PTPRD: variants seen among roughly 807,000 people sequenced by gnomAD.
The protein encoded by PTPRD is protein tyrosine phosphatase receptor type D, also known as receptor-type tyrosine-protein phosphatase delta.
A neutral mutation model predicts 214.5 loss-of-function variants in PTPRD; 34 were observed. The ratio of observed to expected loss-of-function variants is 0.16; its 90% CI spans 0.12 to 0.21. PTPRD has a LOEUF of 0.21. PTPRD is among the 10% of genes least tolerant of loss of function. The pLI, the probability that PTPRD is intolerant of heterozygous loss-of-function variation, is 1.00. For synonymous variants in PTPRD, 1,128 were observed against 845.7 expected (o/e 1.33, Z -5.79); for missense variants, 2,545 against 2,398.7 (o/e 1.06, Z -1.27).
chr9:10,482,337 C>G (rs943574400), intron 2 of PTPRD, among the ~76,000 whole-genome samples: 1 of 151,960 alleles, frequency 6.6e-6, no homozygotes, highest in Non-Finnish European at 1.5e-5. Context: ...CGCCACTGCA[C>G]TCCAGCCTGG....
chr9:8,368,745 A>T (rs2080678833), intron 39 of PTPRD, among the ~76,000 whole-genome samples: 1 of 144,354 alleles, frequency 6.9e-6, no homozygotes, highest in African/African-American at 2.7e-5. Context: ...TTTTTCTATC[A>T]TAGGACTGTG....
chr9:9,635,774 C>T (rs779618922), intron 7 of PTPRD, among the ~76,000 whole-genome samples: 4 of 152,182 alleles, frequency 2.6e-5, no homozygotes, highest in Non-Finnish European at 4.4e-5. Flanking sequence ...CTAAAACACT[C>T]ATGCAAACCA....
chr9:9,461,528 G>C (rs983997275), intron 8 of PTPRD, among the ~76,000 whole-genome samples: 3 of 152,156 alleles, frequency 2.0e-5, no homozygotes, highest in South Asian at 2.1e-4. Context: ...AAACAGAATG[G>C]AAGAAAGTTA....
intron 9 of PTPRD, among the ~76,000 whole-genome samples, chr9:9,375,458 T>TA (rs2060532647): frequency 6.6e-6 from 1 of 152,030 alleles, no homozygotes; most frequent in Non-Finnish European, 1.5e-5. Context: ...TAGCCAGGCA[T>TA]GGTGGCATGT....
chr9:8,979,457 A>T (rs1413534138), intron 11 of PTPRD, among the ~76,000 whole-genome samples: 4 of 152,102 alleles, frequency 2.6e-5, no homozygotes, highest in Admixed American at 1.3e-4. Context: ...GTAACCTATG[A>T]AGTGGAAAAA....
At chr9:10,111,941 A>C (rs1459175194) in intron 3 of PTPRD, among the ~76,000 whole-genome samples, 4 of 152,180 alleles carry the variant, frequency 2.6e-5, no homozygotes, top group Non-Finnish European at 4.4e-5. Context: ...TATTTCTATC[A>C]GTTTCGCATT....
At chr9:9,700,849 G>GA (rs1421358619) in intron 7 of PTPRD, among the ~76,000 whole-genome samples, 1 of 151,950 alleles carries the variant, frequency 6.6e-6, no homozygotes, top group Non-Finnish European at 1.5e-5. Context: ...AAAGACAAAT[G>GA]AAAAAATGTG....
intron 11 of PTPRD, among the ~76,000 whole-genome samples, chr9:8,824,630 CT>C (rs1283830047): frequency 6.6e-6 from 1 of 151,942 alleles, no homozygotes; most frequent in African/African-American, 2.4e-5. Flanking sequence ...AATTAGAAGG[CT>C]TTTTATGAAC....
At chr9:9,402,561 TC>T (rs1205194324) in intron 8 of PTPRD, among the ~76,000 whole-genome samples, 2 of 152,010 alleles carry the variant, frequency 1.3e-5, no homozygotes, top group African/African-American at 4.8e-5. Context: ...CAAGCTCAAA[TC>T]CATAGTTATA....
chr9:9,219,584 G>A (rs1318485011), intron 9 of PTPRD, among the ~76,000 whole-genome samples: 1 of 152,058 alleles, frequency 6.6e-6, no homozygotes, highest in East Asian at 1.9e-4. Flanking sequence ...TTTCACTATA[G>A]AATAACCCTG....
intron 10 of PTPRD, among the ~76,000 whole-genome samples, chr9:9,035,547 C>T (rs564773298): frequency 2.6e-4 from 39 of 151,038 alleles, no homozygotes; most frequent in Admixed American, 1.3e-3. Context: ...ATAGGGTGTT[C>T]CCCCCACCCC....
At chr9:9,786,197 G>A (rs746926706) in intron 5 of PTPRD, among the ~76,000 whole-genome samples, 4 of 152,040 alleles carry the variant, frequency 2.6e-5, no homozygotes, top group Non-Finnish European at 5.9e-5. Context: ...TATTTGCCAT[G>A]CACTGAAGCA....
intron 12 of PTPRD, among the ~76,000 whole-genome samples, chr9:8,655,155 G>A (rs1037117532): frequency 6.6e-6 from 1 of 152,152 alleles, no homozygotes; most frequent in African/African-American, 2.4e-5. Context: ...ATCCAGCCTA[G>A]TTGATAAAGT....
chr9:8,969,464 C>G (rs10816021), intron 11 of PTPRD, among the ~76,000 whole-genome samples: 42,192 of 151,814 alleles, frequency 0.28, 6,669 homozygotes, highest in Non-Finnish European at 0.36. Context: ...AGAGTTAGAG[C>G]TTGCTAGGTA....
intron 3 of PTPRD, among the ~76,000 whole-genome samples, chr9:10,208,855 A>C (rs2099499960): frequency 6.6e-6 from 1 of 152,208 alleles, no homozygotes; most frequent in Non-Finnish European, 1.5e-5. Flanking sequence ...CAAGGCACCG[A>C]GGCATATTGC....
chr9:10,602,407 T>C (rs1305197151), intron 2 of PTPRD, among the ~76,000 whole-genome samples: 1 of 151,730 alleles, frequency 6.6e-6, no homozygotes, highest in Non-Finnish European at 1.5e-5. Flanking sequence ...CTGAGGATTA[T>C]TTTATTCAAC....
chr9:8,447,641 T>C (rs2095787035), intron 34 of PTPRD, among the ~76,000 whole-genome samples: 3 of 152,176 alleles, frequency 2.0e-5, no homozygotes, highest in South Asian at 4.1e-4. Flanking sequence ...CCATTCTTGC[T>C]TTGTGTTTAT....
intron 6 of PTPRD, among the ~76,000 whole-genome samples, chr9:9,758,034 C>T (rs961590954): frequency 4.0e-5 from 6 of 151,644 alleles, no homozygotes; most frequent in African/African-American, 1.2e-4. Flanking sequence ...GTGAGCCTCT[C>T]GTGTTGCTGG....
chr9:10,419,128 A>C (rs1473482470), intron 2 of PTPRD, among the ~76,000 whole-genome samples: 1 of 151,898 alleles, frequency 6.6e-6, no homozygotes. Context: ...TGAGGACAAA[A>C]CTTCATAGCA....
Sources: allele counts gnomAD v4.1 joint callset (sites outside exome capture counted in the v4.1 genomes callset), GRCh38; gene constraint gnomAD v4.1.1; transcripts MANE v1.5; gene names NCBI Gene and HGNC (gene_info 2026-07-23, HGNC 2026-07-21).